The following TMTC1 variants were observed in gnomAD, a reference collection of about 807,000 sequenced individuals.
TMTC1 encodes protein O-mannosyl-transferase TMTC1.
A neutral mutation model predicts 104.8 loss-of-function variants in TMTC1; 73 were observed. That is an observed-to-expected ratio of 0.70 (90% CI 0.58 to 0.85). TMTC1 has a LOEUF of 0.85. Ranked by LOEUF, TMTC1 falls within the 40% of genes least tolerant of loss-of-function variation. The probability of loss-of-function intolerance (pLI) is 0.00; values close to 1 mark genes in which losing one functional copy is unlikely to be tolerated. For missense variants in TMTC1, 1,035 were observed against 1,096.1 expected (o/e 0.94, Z 0.79); for synonymous variants, 434 against 428.7 (o/e 1.01, Z -0.15).
At chr12:29,702,952 C>T (rs879931386) in intron 5 of TMTC1, among the ~76,000 whole-genome samples, 4 of 152,024 alleles carry the variant, frequency 2.6e-5, no homozygotes, top group South Asian at 2.1e-4. Flanking sequence ...CAAGACCAGA[C>T]CGGGCAACAT....
chr12:29,572,185 C>T lies in TMTC1; in HGVS notation c.1452G>A (p.Lys484=), dbSNP rs558596090. 11 of 1,613,796 alleles carry T rather than the reference C, an allele frequency of 6.8e-6. No individual in the cohort carries two copies. Among genetic ancestry groups the T allele is most frequent in the Non-Finnish European group, 9.3e-6 (11 of 1,179,856 alleles). Residue 484 remains lysine (K), a synonymous_variant, in exon 9 of 18, where the codon AAG becomes AAA. Coordinates refer to ENST00000539277, the MANE Select transcript of TMTC1 (RefSeq NM_001193451.2). ...SGVQTLPHNA[K]VHYNYANFLK... is the part of the protein sequence containing the mutation. ...GGAAATTGGCATAGTTGTAGTGAACCTTGGCATTGTGGGGCAGAGTTTGAA... is the reference window on the plus strand; with the variant it reads ...GGAAATTGGCATAGTTGTAGTGAACTTTGGCATTGTGGGGCAGAGTTTGAA...
chr12:29,523,911 C>G (rs114484557), intron 11 of TMTC1, among the ~76,000 whole-genome samples: 1 of 152,096 alleles, frequency 6.6e-6, no homozygotes, highest in African/African-American at 2.4e-5. Flanking sequence ...ATTGTATGAA[C>G]TCAGTCCAAA....
intron 5 of TMTC1, among the ~76,000 whole-genome samples, chr12:29,691,298 A>G (rs1941258777): frequency 6.6e-6 from 1 of 152,022 alleles, no homozygotes; most frequent in African/African-American, 2.4e-5. Context: ...CCACCCAAGA[A>G]CAGAAGACAG....
intron 6 of TMTC1, among the ~76,000 whole-genome samples, chr12:29,626,740 T>C (rs923768779): frequency 1.3e-5 from 2 of 152,184 alleles, no homozygotes; most frequent in Admixed American, 1.3e-4. Context: ...TGGCCATGTA[T>C]TTTTAGATTT....
At chr12:29,702,682 G>T (rs1425650953) in intron 5 of TMTC1, among the ~76,000 whole-genome samples, 1 of 152,208 alleles carries the variant, frequency 6.6e-6, no homozygotes, top group Admixed American at 6.5e-5. Flanking sequence ...ATCCGAGGCA[G>T]CGCAGGCCAT....
intron 5 of TMTC1, among the ~76,000 whole-genome samples, chr12:29,644,372 G>A (rs1459480861): frequency 6.6e-6 from 1 of 151,628 alleles, no homozygotes; most frequent in Non-Finnish European, 1.5e-5. Context: ...GGAAGAGTGT[G>A]AGAGGGGCGA....
At chr12:29,710,217 C>T (rs1941863151) in intron 5 of TMTC1, among the ~76,000 whole-genome samples, 1 of 152,128 alleles carries the variant, frequency 6.6e-6, no homozygotes, top group South Asian at 2.1e-4. Context: ...TGAGCTACTC[C>T]AAACACAGCC....
intron 7 of TMTC1, among the ~76,000 whole-genome samples, chr12:29,587,507 A>G (rs1946170769): frequency 6.6e-6 from 1 of 151,110 alleles, no homozygotes; most frequent in Non-Finnish European, 1.5e-5. Flanking sequence ...TAATTTTTGT[A>G]TTTTTCTGTA....
At chr12:29,534,951 T>C (rs1185993893) in intron 11 of TMTC1, 1 of 152,136 alleles carries the variant, frequency 6.6e-6, no homozygotes, top group African/African-American at 2.4e-5. Context: ...TCTGATATAG[T>C]AACATTTGGT....
At chr12:29,732,110 T>C (rs939427460) in intron 5 of TMTC1, among the ~76,000 whole-genome samples, 4 of 152,212 alleles carry the variant, frequency 2.6e-5, no homozygotes, top group African/African-American at 9.7e-5. Flanking sequence ...CAAAATCTTT[T>C]TGAAAAGGGC....
Position 29,758,572 on chromosome 12 carries a change from C to T in TMTC1, c.554+132G>A, listed in dbSNP as rs941038453. 13 of 901,030 alleles carry T rather than the reference C, an allele frequency of 1.4e-5. No individual in the cohort carries two copies. In the Admixed American group the frequency reaches 2.4e-4, roughly 17 times the overall value. 55.8% of individuals were successfully genotyped at this position (901,030 alleles called of 1,614,324 possible). A position where few individuals can be genotyped will look rare whatever the true frequency, so the allele number is the denominator to read the frequency against. ...CAGCACTGGACAAGCAGAGAGTTTC[C>T]TATTCCTGGTCCCTGGAAATCTTGC... On this transcript the variant is annotated intron_variant, in intron 3 of 17. Transcript: ENST00000539277.
chr12:29,713,782 G>A (rs1942002857), intron 5 of TMTC1, among the ~76,000 whole-genome samples: 1 of 152,094 alleles, frequency 6.6e-6, no homozygotes, highest in South Asian at 2.1e-4. Context: ...GAACACCAAA[G>A]TATGAATAAC....
intron 6 of TMTC1, among the ~76,000 whole-genome samples, chr12:29,611,377 A>C (rs892403634): frequency 6.6e-6 from 1 of 152,150 alleles, no homozygotes; most frequent in Non-Finnish European, 1.5e-5. Flanking sequence ...TTCTAACTTT[A>C]CTTGGAAATG....
intron 12 of TMTC1, 24 bp downstream of exon 12, chr12:29,520,594 C>A (rs184655747): frequency 1.9e-6 from 3 of 1,560,266 alleles, no homozygotes; most frequent in Non-Finnish European, 2.6e-6. Context: ...CTCAGCAGTA[C>A]AGTTTCTCTT....
At chr12:29,666,251 G>A (rs749066437) in intron 5 of TMTC1, 26 of 373,264 alleles carry the variant, frequency 7.0e-5, no homozygotes, top group Middle Eastern at 1.0e-3. Flanking sequence ...TTTTGGAGAC[G>A]GAGTCTCGCT....
At chr12:29,744,737 T>C (rs1229895093) in intron 5 of TMTC1, among the ~76,000 whole-genome samples, 6 of 152,208 alleles carry the variant, frequency 3.9e-5, no homozygotes, top group Non-Finnish European at 8.8e-5. Context: ...GAAAACACTT[T>C]TCTGGCAAGT....
intron 5 of TMTC1, among the ~76,000 whole-genome samples, chr12:29,726,131 A>C (rs1289437839): frequency 6.6e-6 from 1 of 152,156 alleles, no homozygotes; most frequent in Non-Finnish European, 1.5e-5. Flanking sequence ...TCTGGGAAAA[A>C]ACAATGCAGT....
chr12:29,693,885 G>T (rs1232635979), intron 5 of TMTC1, among the ~76,000 whole-genome samples: 2 of 152,088 alleles, frequency 1.3e-5, no homozygotes, highest in Non-Finnish European at 1.5e-5. Context: ...TAGTTCTCTT[G>T]GTATTTGTAG....
At chr12:29,719,555 A>T (rs1942177883) in intron 5 of TMTC1, among the ~76,000 whole-genome samples, 1 of 152,188 alleles carries the variant, frequency 6.6e-6, no homozygotes, top group Admixed American at 6.5e-5. Flanking sequence ...AAATTTCCTT[A>T]TGGTGACCTC....
Sources: allele counts gnomAD v4.1 joint callset (sites outside exome capture counted in the v4.1 genomes callset), GRCh38; gene constraint gnomAD v4.1.1; transcripts MANE v1.5; gene names NCBI Gene and HGNC (gene_info 2026-07-23, HGNC 2026-07-21).